Variants in ADAM22 observed in about 807,000 individuals in gnomAD.
The protein encoded by ADAM22 is ADAM metallopeptidase domain 22.
Under a neutral mutation model 144.6 loss-of-function variants are expected in ADAM22, and 65 were observed. The ratio of observed to expected loss-of-function variants is 0.45; its 90% CI spans 0.37 to 0.55. ADAM22 has a LOEUF of 0.55. Among genes scored for constraint, ADAM22 ranks in the 20% least tolerant of loss-of-function variants. The pLI, the probability that ADAM22 is intolerant of heterozygous loss-of-function variation, is 0.00. For synonymous variants in ADAM22, 391 were observed against 412.6 expected, an observed-to-expected ratio of 0.95 and a Z score of 0.63; for missense variants, 974 against 1,184.9, an observed-to-expected ratio of 0.82 and a Z score of 2.61.
rs184264591 is a variant in ADAM22, at chr7:88,102,848, A to G, written c.391-5328A>G. Among the ~76,000 whole-genome samples, 165 of 152,102 alleles carry G rather than the reference A, an allele frequency of 1.1e-3. 1 individual carries two copies. Among genetic ancestry groups the G allele is most frequent in the Non-Finnish European group, 2.2e-3 (148 of 67,970 alleles). On this transcript the variant is annotated intron_variant, in intron 4 of 31. Transcript: ENST00000413139. ...ACAGTGTACTTTACATTGTTATCTC[A>G]TGGAATCTCCTGCATATCCTTATGA...
intron 2 of ADAM22, among the ~76,000 whole-genome samples, chr7:87,967,400 A>G (rs1306319276): frequency 1.3e-5 from 2 of 152,158 alleles, no homozygotes; most frequent in Non-Finnish European, 2.9e-5. Context: ...AAGTAGAAAG[A>G]TTGCTTGAGC....
At chr7:88,175,585 A>G (rs570544766) in intron 26 of ADAM22, among the ~76,000 whole-genome samples, 9 of 152,308 alleles carry the variant, frequency 5.9e-5, no homozygotes, top group African/African-American at 2.2e-4. Context: ...TTCACTAAAA[A>G]TCATACATGT....
At chr7:88,153,817 C>T (rs577788457) in intron 21 of ADAM22, among the ~76,000 whole-genome samples, 2 of 152,308 alleles carry the variant, frequency 1.3e-5, no homozygotes, top group South Asian at 4.1e-4. Flanking sequence ...TTCATGTATT[C>T]ACTTACGTTC....
rs961859792 is a variant in ADAM22 at position 88,202,458 on chromosome 7, T to C, written c.*5967T>C. The stretch of plus-strand genomic sequence containing the variant: ...ACCTTTGACAGGTGATGTGCATCTA[T>C]AGATAGTGGAAGCCACCCCATGAGG... On this transcript the variant is annotated 3_prime_UTR_variant, in exon 32 of 32. Transcript: ENST00000413139. 6.6e-6 allele frequency: 1 copy of C among 152,194 alleles called. No homozygotes were observed. The highest frequency in any genetic ancestry group is 1.9e-4 in the East Asian group (1 of 5,192). 9.4% of individuals were successfully genotyped at this position (152,194 alleles called of 1,614,324 possible). A position where few individuals can be genotyped will look rare whatever the true frequency, so the allele number is the denominator to read the frequency against.
intron 3 of ADAM22, among the ~76,000 whole-genome samples, chr7:88,032,185 C>A (rs763454474): frequency 6.6e-6 from 1 of 152,198 alleles, no homozygotes; most frequent in Non-Finnish European, 1.5e-5. Flanking sequence ...CCACTGACAA[C>A]TTGCACCATG....
Position 88,198,104 on chromosome 7 carries a change from G to A in ADAM22, c.*1613G>A, listed in dbSNP as rs1439403444. The A allele has an allele frequency of 6.6e-6, 1 of 152,072 alleles. No individual in the cohort carries two copies. Among genetic ancestry groups the A allele is most frequent in the African/African-American group, 2.4e-5 (1 of 41,396 alleles). The allele number at this position is 152,072 out of a possible 1,614,324, so 9.4% of individuals were successfully genotyped here. A position where few individuals can be genotyped will look rare whatever the true frequency, so the allele number is the denominator to read the frequency against. On this transcript the variant is annotated 3_prime_UTR_variant, in exon 32 of 32. Coordinates refer to ENST00000413139, the MANE Select transcript of ADAM22 (RefSeq NM_001324418.2). The stretch of plus-strand genomic sequence containing the variant: ...CTTCTGATTTCCTCATTTGCTGTGT[G>A]TTCTTAAGAGGAATGGAATCTGCAG...
At chr7:88,077,281 A>G (rs576314042) in intron 4 of ADAM22, among the ~76,000 whole-genome samples, 2 of 152,320 alleles carry the variant, frequency 1.3e-5, no homozygotes, top group African/African-American at 2.4e-5. Context: ...TCCATTACAT[A>G]TATATGTAAA....
intron 2 of ADAM22, among the ~76,000 whole-genome samples, chr7:87,950,972 T>A (rs533153070): frequency 3.1e-4 from 47 of 152,314 alleles, no homozygotes; most frequent in Admixed American, 1.8e-3. Context: ...CTTTGCAAAC[T>A]TTTTGATGGG....
At chr7:87,957,910 A>G (rs1314389557) in intron 2 of ADAM22, among the ~76,000 whole-genome samples, 1 of 152,142 alleles carries the variant, frequency 6.6e-6, no homozygotes, top group Non-Finnish European at 1.5e-5. Context: ...ACATACATAT[A>G]TATCCATAAC....
At chr7:88,027,525 T>G (rs1799268884) in intron 3 of ADAM22, among the ~76,000 whole-genome samples, 1 of 152,240 alleles carries the variant, frequency 6.6e-6, no homozygotes, top group Non-Finnish European at 1.5e-5. Flanking sequence ...GGCATATAGT[T>G]GCAAATAGTA....
intron 30 of ADAM22, among the ~76,000 whole-genome samples, chr7:88,188,819 G>T (rs1207113600): frequency 1.3e-5 from 2 of 152,138 alleles, no homozygotes; most frequent in Non-Finnish European, 2.9e-5. Context: ...GGTCATTCAG[G>T]ATTACCCTTC....
chr7:88,020,974 TG>T (rs1797700599), intron 3 of ADAM22, among the ~76,000 whole-genome samples: 1 of 152,130 alleles, frequency 6.6e-6, no homozygotes, highest in Admixed American at 6.6e-5. Context: ...CAGAAACCCC[TG>T]AGAGGAACCA....
Position 87,934,481 on chromosome 7 carries a change from G to A in ADAM22, c.16G>A (p.Ala6Thr), listed in dbSNP as rs1384210534. 3.1e-6 allele frequency: 5 copies of A among 1,604,082 alleles called. No homozygotes were observed. In the African/African-American group the frequency reaches 4.0e-5, roughly 13 times the overall value. The change falls in exon 1 of 32, where the codon GCT (alanine) becomes ACT (threonine). Residue 6 changes from alanine (A) to threonine (T), a missense_variant. By Grantham distance (58) the Ala-to-Thr change is moderately conservative. Around this residue, in one of 2 missense-constraint regions of ADAM22, gnomAD observed 240 missense variants for 234.3 expected, o/e 1.02. Coordinates refer to ENST00000413139, the MANE Select transcript of ADAM22 (RefSeq NM_001324418.2). MQAAV[A>T]VSVPFLLLCV... ...CGGCAGCACCATGCAGGCGGCAGTG[G>A]CTGTGTCCGTGCCCTTCTTGCTGCT...
chr7:88,082,485 G>T (rs369436141), intron 4 of ADAM22, among the ~76,000 whole-genome samples: 1 of 151,964 alleles, frequency 6.6e-6, no homozygotes, highest in Non-Finnish European at 1.5e-5. Flanking sequence ...AAATTGACAA[G>T]TGGGATCTAA....
chr7:88,157,520 A>C (rs774172773), intron 22 of ADAM22, among the ~76,000 whole-genome samples: 5 of 152,174 alleles, frequency 3.3e-5, no homozygotes, highest in Non-Finnish European at 7.3e-5. Flanking sequence ...TATGCTACAA[A>C]TTTCTCAGGA....
chr7:88,022,858 T>C (rs963348775), intron 3 of ADAM22, among the ~76,000 whole-genome samples: 8 of 152,232 alleles, frequency 5.3e-5, no homozygotes, highest in African/African-American at 1.4e-4. Context: ...GTTCAATAAA[T>C]GATATTGTAG....
rs182221145 is a variant in ADAM22, at chr7:88,028,088, T to A, written c.324-47538T>A. Among the ~76,000 whole-genome samples, 11 of 152,330 alleles carry A rather than the reference T, an allele frequency of 7.2e-5. No homozygotes were observed. In the South Asian group the frequency reaches 1.9e-3, roughly 26 times the overall value. ...GCATGAGCCACTGTGTCCAGCCTTT[T>A]TTCTACTTTTTTGATGTAAGCAGTT... On this transcript the variant is annotated intron_variant, in intron 3 of 31. Transcript: ENST00000413139.
chr7:88,091,320 A>G (rs1299097160), intron 4 of ADAM22, among the ~76,000 whole-genome samples: 1 of 152,176 alleles, frequency 6.6e-6, no homozygotes, highest in Non-Finnish European at 1.5e-5. Context: ...AAATATAATG[A>G]CTTGTTGTAT....
intron 6 of ADAM22, among the ~76,000 whole-genome samples, chr7:88,115,147 A>T (rs1339140454): frequency 1.3e-5 from 2 of 152,208 alleles, no homozygotes; most frequent in Non-Finnish European, 2.9e-5. Flanking sequence ...TGGGAAGTTA[A>T]GGCAGAAGTA....
Sources: gnomAD v4.1 joint callset for allele counts (sites outside exome capture counted in the v4.1 genomes callset) on GRCh38, gnomAD v4.1.1 for gene constraint, gnomAD v4.1.1 regional missense constraint, MANE v1.5 for transcripts, NCBI Gene and HGNC (gene_info 2026-07-23, HGNC 2026-07-21) for gene names.